HERC2: variants seen among roughly 807,000 people sequenced by gnomAD.
HERC2 encodes E3 ubiquitin-protein ligase HERC2.
In HERC2, 102 loss-of-function variants were observed where a neutral mutation model predicts 537.7. That is an observed-to-expected ratio of 0.19 (90% confidence interval 0.16 to 0.22). HERC2 has a LOEUF of 0.22. Ranked by LOEUF, HERC2 falls within the 10% of genes least tolerant of loss-of-function variation. HERC2 has a pLI of 1.00. For missense variants in HERC2, 4,236 were observed against 6,198.2 expected (o/e 0.68, Z 10.63); for synonymous variants, 2,224 against 2,466.2 (o/e 0.90, Z 2.91).
At chr15:28,266,810 C>T (rs1291540338) in intron 12 of HERC2, among the ~76,000 whole-genome samples, 1 of 152,140 alleles carries the variant, frequency 6.6e-6, no homozygotes, top group African/African-American at 2.4e-5. Flanking sequence ...GCCCTGGAAG[C>T]GATGGGAGCG....
chr15:28,212,061 C>T (rs969714745), intron 43 of HERC2, among the ~76,000 whole-genome samples: 3 of 152,140 alleles, frequency 2.0e-5, no homozygotes, highest in African/African-American at 4.8e-5. Context: ...CAGGCGCTTC[C>T]GGGACAGAGG....
Position 28,218,469 on chromosome 15 carries a change from C to T in HERC2, c.6028+20G>A. 4 of 1,584,522 alleles carry T rather than the reference C, an allele frequency of 2.5e-6. No individual in the cohort carries two copies. Among genetic ancestry groups the T allele is most frequent in the Non-Finnish European group, 3.4e-6 (4 of 1,172,160 alleles). Reference sequence around the variant, plus strand: ...GCCCCCAGCGCTGACTCCCTGGGCCCTCGATCTCTCATTCCATACATGTCT... The same window carrying T: ...GCCCCCAGCGCTGACTCCCTGGGCCTTCGATCTCTCATTCCATACATGTCT... On this transcript the variant is annotated intron_variant, in intron 38 of 92. Coordinates refer to ENST00000261609, the MANE Select transcript of HERC2 (RefSeq NM_004667.6).
chr15:28,238,530 A>G (rs1596304095), intron 24 of HERC2, 72 bp downstream of exon 24: 1 of 1,279,866 alleles, frequency 7.8e-7, no homozygotes, highest in East Asian at 2.3e-5. Flanking sequence ...GAAATCATTT[A>G]TAAGCCAAAT....
intron 2 of HERC2, among the ~76,000 whole-genome samples, chr15:28,304,907 T>G (rs947780991): frequency 7.7e-5 from 10 of 130,534 alleles, no homozygotes; most frequent in African/African-American, 2.8e-4. Context: ...GATATTCCCC[T>G]TCCTGTGACC....
intron 2 of HERC2, among the ~76,000 whole-genome samples, chr15:28,300,823 C>CAAAAAAA (rs57696757): frequency 1.5e-4 from 2 of 13,158 alleles, no homozygotes; most frequent in African/African-American, 4.1e-4. Context: ...GACTCCATCT[C>CAAAAAAA]AAAAAAAAAA....
intron 3 of HERC2, among the ~76,000 whole-genome samples, chr15:28,293,586 A>G (rs1387866728): frequency 1.3e-5 from 2 of 152,138 alleles, no homozygotes; most frequent in African/African-American, 2.4e-5. Flanking sequence ...ACATTTCTCA[A>G]CTGAGAAACT....
At chr15:28,163,350 G>A in intron 68 of HERC2, 65 bp from the exon 69 acceptor site, 1 of 1,452,252 alleles carries the variant, frequency 6.9e-7, no homozygotes, top group Non-Finnish European at 9.4e-7. Flanking sequence ...AGAGTCACCA[G>A]TTTACCCATA....
chr15:28,294,139 T>C (rs1269918700), intron 3 of HERC2, among the ~76,000 whole-genome samples: 1 of 152,206 alleles, frequency 6.6e-6, no homozygotes, highest in Non-Finnish European at 1.5e-5. Flanking sequence ...AATTCTCCAG[T>C]TCTCTGCGAC....
intron 2 of HERC2, among the ~76,000 whole-genome samples, chr15:28,310,012 A>G (rs1256607265): frequency 2.6e-5 from 4 of 152,220 alleles, no homozygotes; most frequent in Non-Finnish European, 5.9e-5. Context: ...TCCTTCCAAA[A>G]AGTGAGCCCT....
chr15:28,115,177 G>A (rs530502469), intron 89 of HERC2: 2 of 513,926 alleles, frequency 3.9e-6, no homozygotes, highest in South Asian at 6.3e-5. Flanking sequence ...CTGCCCAAAA[G>A]CTCAGCTTCT....
intron 88 of HERC2, among the ~76,000 whole-genome samples, chr15:28,116,305 C>T (rs1414368101): frequency 6.6e-6 from 1 of 151,896 alleles, no homozygotes; most frequent in African/African-American, 2.4e-5. Context: ...CCTCCGCCTC[C>T]CGGGTTCAAG....
chr15:28,300,152 T>A (rs2076582515), intron 2 of HERC2, among the ~76,000 whole-genome samples: 1 of 150,112 alleles, frequency 6.7e-6, no homozygotes, highest in South Asian at 2.1e-4. Flanking sequence ...CAAGTACCAA[T>A]GACTACCTAC....
chr15:28,289,592 C>T (rs972806396), intron 4 of HERC2, among the ~76,000 whole-genome samples: 15 of 152,166 alleles, frequency 9.9e-5, no homozygotes, highest in Admixed American at 5.2e-4. Flanking sequence ...CTCCCCAGAA[C>T]GCTGAGACTG....
chr15:28,313,448 G>A (rs867629054), intron 2 of HERC2, among the ~76,000 whole-genome samples: 1 of 151,900 alleles, frequency 6.6e-6, no homozygotes, highest in African/African-American at 2.4e-5. Flanking sequence ...GATTACAGGC[G>A]GGAGCCACCG....
At chr15:28,274,141 C>A (rs943220601) in intron 7 of HERC2, 150 bp downstream of exon 7, 5 of 697,458 alleles carry the variant, frequency 7.2e-6, no homozygotes, top group Admixed American at 2.9e-5. Context: ...AGCTGAGAAC[C>A]CAGACCCGGA....
intron 5 of HERC2, among the ~76,000 whole-genome samples, chr15:28,276,634 C>G (rs2075881593): frequency 6.6e-6 from 1 of 151,630 alleles, no homozygotes; most frequent in Admixed American, 6.6e-5. Flanking sequence ...ATATGGGAGG[C>G]TGAGGCAGAA....
intron 50 of HERC2, among the ~76,000 whole-genome samples, chr15:28,197,311 G>C (rs1388090970): frequency 6.6e-6 from 1 of 152,154 alleles, no homozygotes; most frequent in Non-Finnish European, 1.5e-5. Flanking sequence ...CTGTTAAAAC[G>C]GACATAGTAT....
rs763799330 is a variant in HERC2 at position 28,292,877 on chromosome 15, C to T, written c.322+11G>A. 1.9e-6 allele frequency: 3 copies of T among 1,607,854 alleles called. No homozygotes were observed. The highest frequency in any genetic ancestry group is 2.5e-6 in the Non-Finnish European group (3 of 1,179,196). On this transcript the variant is annotated intron_variant, in intron 4 of 92. Coordinates refer to ENST00000261609, the MANE Select transcript of HERC2 (RefSeq NM_004667.6). ...TCAACCTTTCCAAAGTGCCAAAATT[C>T]ACAAGATTACCTGGTTGCTTGCCCC...
rs1899815628 is a variant in HERC2, at chr15:28,215,679, A to G, written c.6152T>C (p.Leu2051Pro). ...GTGCCCTTCCACGACCTTCATGAGCAGCGTGATCCACTGCGGGGAGCTGAG... is the reference window on the plus strand; with the variant it reads ...GTGCCCTTCCACGACCTTCATGAGCGGCGTGATCCACTGCGGGGAGCTGAG... The part of the protein sequence containing the change: ...GALSSPQWIT[L>P]LMKVVEGHAP... Residue 2051 changes from leucine to proline, a missense_variant, in exon 39 of 93, where the codon CTG becomes CCG. By Grantham distance (98) the Leu-to-Pro change is moderately conservative (BLOSUM62 -3). Coordinates refer to ENST00000261609, the MANE Select transcript of HERC2 (RefSeq NM_004667.6). 1.2e-6 allele frequency: 2 copies of G among 1,611,906 alleles called. No homozygotes were observed. The highest frequency in any genetic ancestry group is 2.7e-5 in the African/African-American group (2 of 74,874).
Sources: gnomAD v4.1 joint callset for allele counts (sites outside exome capture counted in the v4.1 genomes callset) on GRCh38, gnomAD v4.1.1 for gene constraint, MANE v1.5 for transcripts, NCBI Gene and HGNC (gene_info 2026-07-23, HGNC 2026-07-21) for gene names.